The following SUMF1 variants were observed in gnomAD, a reference collection of about 807,000 sequenced individuals.
SUMF1 encodes the protein formylglycine-generating enzyme.
SUMF1 carries 48 observed loss-of-function variants against 47.6 expected under a neutral mutation model. That is an observed-to-expected ratio of 1.01 (90% CI 0.80 to 1.28). The LOEUF (loss-of-function observed/expected upper bound fraction) is 1.28. Ranked by LOEUF, SUMF1 falls within the 50% of genes most tolerant of loss-of-function variation. SUMF1 has a pLI of 0.00. For missense variants in SUMF1, 571 were observed against 485.4 expected (o/e 1.18, Z -1.66); for synonymous variants, 230 against 192.1 (o/e 1.20, Z -1.63).
At chr3:4,322,106 A>G (rs1274554075) in intron 8 of SUMF1, among the ~76,000 whole-genome samples, 2 of 152,140 alleles carry the variant, frequency 1.3e-5, no homozygotes, top group Non-Finnish European at 2.9e-5. Context: ...TTGGAAAACA[A>G]GAAAAGTCTA....
chr3:4,353,223 A>C (rs1030783607), intron 8 of SUMF1, among the ~76,000 whole-genome samples: 1 of 152,048 alleles, frequency 6.6e-6, no homozygotes, highest in East Asian at 1.9e-4. Context: ...ACATAGTGAG[A>C]CCCTCATCTT....
At chr3:4,405,312 G>A (rs952562637) in intron 7 of SUMF1, among the ~76,000 whole-genome samples, 22 of 152,282 alleles carry the variant, frequency 1.4e-4, no homozygotes, top group African/African-American at 5.1e-4. Flanking sequence ...AGAGCTCAGA[G>A]GGGTGGCCTC....
chr3:4,226,128 T>C (rs2124976330), intron 8 of SUMF1, among the ~76,000 whole-genome samples: 1 of 152,066 alleles, frequency 6.6e-6, no homozygotes, highest in East Asian at 1.9e-4. Flanking sequence ...TAAGCAATAA[T>C]AGTAAGCATT....
chr3:4,268,334 G>A (rs1575037828), intron 8 of SUMF1, among the ~76,000 whole-genome samples: 1 of 152,056 alleles, frequency 6.6e-6, no homozygotes, highest in African/African-American at 2.4e-5. Flanking sequence ...CCTAATGCTA[G>A]ATGACAAGTT....
In SUMF1 at chr3:4,418,072, T is replaced by G. The variant is rs756709971; in HGVS notation, c.663A>C (p.Ala221=). The G allele has an allele frequency of 1.7e-5, 27 of 1,613,986 alleles. No homozygotes were observed. The South Asian group carries it at 2.0e-4, about 12-fold the overall frequency. Residue 221 remains alanine, a synonymous_variant, in exon 5 of 9, where the codon GCA becomes GCC. Transcript: ENST00000272902. ...CAGCTTCCGTGGGCAGCCGCTTCCC[T>G]GCCCAAGTGCAGTAGGCAACCGCAT... ...WNDAVAYCTW[A]GKRLPTEAEW...
intron 8 of SUMF1, among the ~76,000 whole-genome samples, chr3:4,260,695 A>G (rs1697067388): frequency 6.6e-6 from 1 of 152,152 alleles, no homozygotes; most frequent in African/African-American, 2.4e-5. Context: ...AGATCTCGCC[A>G]CTGCACTCCA....
intron 8 of SUMF1, among the ~76,000 whole-genome samples, chr3:4,074,351 G>T (rs1692361797): frequency 6.6e-6 from 1 of 152,060 alleles, no homozygotes; most frequent in Non-Finnish European, 1.5e-5. Context: ...TGTGTAGAGG[G>T]AAATTTATAG....
At chr3:4,352,146 T>A (rs1486315293) in intron 8 of SUMF1, among the ~76,000 whole-genome samples, 1 of 152,040 alleles carries the variant, frequency 6.6e-6, no homozygotes, top group African/African-American at 2.4e-5. Flanking sequence ...AAACTCACAA[T>A]AAAACAATGG....
chr3:4,171,870 G>A (rs780034350), intron 8 of SUMF1, among the ~76,000 whole-genome samples: 1 of 152,132 alleles, frequency 6.6e-6, no homozygotes, highest in African/African-American at 2.4e-5. Flanking sequence ...ACCAGAAGGT[G>A]TAGAGAGGAA....
chr3:4,453,030 C>T lies in SUMF1; in HGVS notation c.290G>A (p.Gly97Glu). ...ATCATCTGTGCCCATTGTAAATACT[C>T]CAGCAGGGATGGGGACCATCTACAA... ...AHSKMVPIPA[G>E]VFTMGTDDPQ... The change falls in exon 2 of 9, where the codon GGA becomes GAA. Residue 97 changes from glycine (G) to glutamate (E), a missense_variant. Physicochemically the swap from Gly to Glu is moderately conservative, Grantham distance 98 (BLOSUM62 -2). Transcript: ENST00000272902. 3 of 1,613,690 alleles carry T rather than the reference C, an allele frequency of 1.9e-6. No individual in the cohort carries two copies. Among genetic ancestry groups the T allele is most frequent in the Non-Finnish European group, 2.5e-6 (3 of 1,179,980 alleles).
At position 4,036,691 on chromosome 3, in the gene SUMF1, G is replaced by A. The variant is rs1266095937; in HGVS notation, c.1191+31878C>T. ...AAGCTACACAGAGCCCCACTGTGAG[G>A]AGAAACTAACATGATAATCTATTCT... On this transcript the variant is annotated intron_variant and NMD_transcript_variant, in intron 9 of 12. Transcript: ENST00000448413. Among the ~76,000 whole-genome samples, 6 of 151,748 alleles carry A rather than the reference G, an allele frequency of 4.0e-5. No individual in the cohort carries two copies. In the East Asian group the frequency reaches 5.8e-4, roughly 15 times the overall value.
At chr3:4,216,216 G>T (rs559900103) in intron 8 of SUMF1, among the ~76,000 whole-genome samples, 2 of 152,152 alleles carry the variant, frequency 1.3e-5, no homozygotes, top group Admixed American at 1.3e-4. Flanking sequence ...GAACAGAACA[G>T]AGGCCTCAGA....
At chr3:4,164,102 A>G (rs1157124438) in intron 8 of SUMF1, among the ~76,000 whole-genome samples, 2 of 152,208 alleles carry the variant, frequency 1.3e-5, no homozygotes, top group Admixed American at 6.5e-5. Flanking sequence ...TTTGGCTAAT[A>G]TGTCCCTCCC....
intron 8 of SUMF1, among the ~76,000 whole-genome samples, chr3:4,251,862 T>C (rs1696809876): frequency 6.6e-6 from 1 of 152,226 alleles, no homozygotes; most frequent in South Asian, 2.1e-4. Flanking sequence ...TAGAATTTTT[T>C]TTAGCAATGA....
At chr3:4,314,353 T>G (rs78127250) in intron 8 of SUMF1, 1 of 152,188 alleles carries the variant, frequency 6.6e-6, no homozygotes, top group East Asian at 1.9e-4. Flanking sequence ...AAACCCTGCT[T>G]GCCAACCAAT....
intron 9 of SUMF1, among the ~76,000 whole-genome samples, chr3:4,062,126 C>G (rs916093099): frequency 1.3e-5 from 2 of 152,100 alleles, no homozygotes; most frequent in African/African-American, 2.4e-5. Context: ...CTCCTAATCA[C>G]TGATACAAAT....
In SUMF1 at chr3:4,104,033, T is replaced by A. The variant is rs1253558775; in HGVS notation, c.1015-35288A>T. ...CTGGATATGAGAAGATGAGAGACCA[T>A]GCTGGAAATTTTCATTTAGCCCTTG... is the stretch of plus-strand genomic sequence containing the variant. On this transcript the variant is annotated intron_variant and NMD_transcript_variant, in intron 8 of 12. Transcript: ENST00000448413. 3.9e-5 allele frequency among the ~76,000 whole-genome samples: 6 copies of A among 152,312 alleles called. No homozygotes were observed. The South Asian group carries it at 1.0e-3, about 26-fold the overall frequency.
intron 8 of SUMF1, among the ~76,000 whole-genome samples, chr3:4,288,628 T>C (rs1399300492): frequency 6.6e-6 from 1 of 152,036 alleles, no homozygotes; most frequent in Non-Finnish European, 1.5e-5. Context: ...TGAAACCCCA[T>C]CTCTACCAAA....
At chr3:4,094,351 C>G (rs1388012233) in intron 8 of SUMF1, among the ~76,000 whole-genome samples, 1 of 151,960 alleles carries the variant, frequency 6.6e-6, no homozygotes, top group Non-Finnish European at 1.5e-5. Context: ...AGATCATGCC[C>G]TCATGAACTT....
Sources: gnomAD v4.1 joint callset for allele counts (sites outside exome capture counted in the v4.1 genomes callset) on GRCh38, gnomAD v4.1.1 for gene constraint, MANE v1.5 for transcripts, NCBI Gene and HGNC (gene_info 2026-07-23, HGNC 2026-07-21) for gene names.